Variants in ENPEP observed in about 807,000 individuals in gnomAD.
The protein encoded by ENPEP is AP-A.
Under a neutral mutation model 114.5 loss-of-function variants are expected in ENPEP, and 103 were observed. The observed-to-expected ratio is 0.90, with a 90% CI of 0.77 to 1.06. The LOEUF (loss-of-function observed/expected upper bound fraction) is 1.06, where lower values mean the gene tolerates loss of function less well. Ranked by LOEUF, ENPEP falls within the 50% of genes least tolerant of loss-of-function variation. The pLI is 0.00. For missense variants in ENPEP, 1,196 were observed against 1,161.3 expected (o/e 1.03, Z -0.43); for synonymous variants, 420 against 422.0 (o/e 1.00, Z 0.06).
At chr4:110,513,983 C>A in intron 7 of ENPEP, among the ~76,000 whole-genome samples, 1 of 152,010 alleles carries the variant, frequency 6.6e-6, no homozygotes, top group Non-Finnish European at 1.5e-5. Flanking sequence ...GAAGGAAATA[C>A]TTTTATTCCT....
intron 18 of ENPEP, among the ~76,000 whole-genome samples, chr4:110,559,376 GAA>G (rs33940498): frequency 1.4e-5 from 2 of 140,454 alleles, no homozygotes; most frequent in African/African-American, 2.6e-5. Flanking sequence ...CATGTGTGCA[GAA>G]AAAAAAAAAA....
At chr4:110,504,739 A>G (rs13134008) in intron 3 of ENPEP, among the ~76,000 whole-genome samples, 59,430 of 152,060 alleles carry the variant, frequency 0.39, 11,984 homozygotes, top group East Asian at 0.51. Context: ...ACAGAAATAC[A>G]AAAAAAGAAA....
intron 1 of ENPEP, among the ~76,000 whole-genome samples, chr4:110,486,019 A>C (rs1724488514): frequency 6.6e-6 from 1 of 152,142 alleles, no homozygotes; most frequent in Non-Finnish European, 1.5e-5. Flanking sequence ...GGAGTTTTTG[A>C]AACCTTGCAA....
At chr4:110,485,836 T>C (rs1666891027) in intron 1 of ENPEP, among the ~76,000 whole-genome samples, 1 of 152,158 alleles carries the variant, frequency 6.6e-6, no homozygotes, top group Non-Finnish European at 1.5e-5. Context: ...TTTTTTTTTT[T>C]CTGTCAGGAC....
intron 3 of ENPEP, among the ~76,000 whole-genome samples, chr4:110,494,848 G>A (rs1238400785): frequency 6.6e-6 from 1 of 152,184 alleles, no homozygotes; most frequent in Non-Finnish European, 1.5e-5. Flanking sequence ...GCCACTGATG[G>A]AAGGAATTTT....
intron 8 of ENPEP, chr4:110,519,071 G>A: frequency 2.2e-6 from 1 of 455,504 alleles, no homozygotes; most frequent in Non-Finnish European, 4.4e-6. Flanking sequence ...CCCTTCCTTT[G>A]CCTGCCCTCT....
chr4:110,506,619 TTG>T lies in ENPEP; in HGVS notation c.919-14_919-13del, dbSNP rs567524769. 4.8e-4 allele frequency: 762 copies of T among 1,577,770 alleles called. 3 individuals are homozygous for T. In the African/African-American group the frequency reaches 9.2e-3, roughly 19 times the overall value. ...TGAAGAATAATTTTCACTGAATTTT[TTG>T]TGTTTTGTTTAATAGCTTACAATTT... On this transcript the variant is annotated splice_polypyrimidine_tract_variant and intron_variant, in intron 3 of 19. Transcript: ENST00000265162.
intron 1 of ENPEP, among the ~76,000 whole-genome samples, chr4:110,482,587 G>C (rs1724352834): frequency 6.6e-6 from 1 of 152,144 alleles, no homozygotes; most frequent in Non-Finnish European, 1.5e-5. Context: ...TACCTGCATG[G>C]ATGTGTATGT....
Position 110,476,205 on chromosome 4 carries a change from C to A in ENPEP, c.-210C>A. On this transcript the variant is annotated 5_prime_UTR_variant, in exon 1 of 20. Coordinates refer to ENST00000265162, the MANE Select transcript of ENPEP (RefSeq NM_001977.4). ...TCCTCTTACGGAGTCCTCATTCCACCCCCCTTGTTTCCGCATTCATCCTGA... is the reference window on the plus strand; with the variant it reads ...TCCTCTTACGGAGTCCTCATTCCACACCCCTTGTTTCCGCATTCATCCTGA... 1 of 558,276 alleles carries A rather than the reference C, an allele frequency of 1.8e-6. No individual in the cohort carries two copies. Among genetic ancestry groups the A allele is most frequent in the Non-Finnish European group, 3.0e-6 (1 of 331,198 alleles). The allele number at this position is 558,276 out of a possible 1,614,324, so 34.6% of individuals were successfully genotyped here. A position where few individuals can be genotyped will look rare whatever the true frequency, so the allele number is the denominator to read the frequency against.
intron 2 of ENPEP, among the ~76,000 whole-genome samples, chr4:110,489,339 C>A (rs536499861): frequency 6.6e-6 from 1 of 151,978 alleles, no homozygotes; most frequent in African/African-American, 2.4e-5. Context: ...TGTTCTCACT[C>A]GTAAGTGGAA....
intron 13 of ENPEP, among the ~76,000 whole-genome samples, chr4:110,546,147 T>C (rs13151867): frequency 0.11 from 16,910 of 152,016 alleles, 1,209 homozygotes; most frequent in Non-Finnish European, 0.17. Flanking sequence ...CCTTAGTTTC[T>C]CCAACCTCTT....
intron 6 of ENPEP, 146 bp from the exon 7 acceptor site, chr4:110,513,269 A>T: frequency 1.2e-6 from 1 of 847,110 alleles, no homozygotes; most frequent in Non-Finnish European, 1.7e-6. Context: ...ATCAGTGCAA[A>T]GTATGATTAA....
At chr4:110,495,478 T>C (rs943002132) in intron 3 of ENPEP, among the ~76,000 whole-genome samples, 6 of 152,118 alleles carry the variant, frequency 3.9e-5, no homozygotes, top group Admixed American at 2.6e-4. Context: ...CCCAGCACTT[T>C]GGGAGGCTGA....
Position 110,506,689 on chromosome 4 carries a change from A to G in ENPEP, c.971A>G (p.Asn324Ser). The change falls in exon 4 of 20, where the codon AAC becomes AGC. Residue 324 changes from asparagine (N) to serine (S), a missense_variant. Physicochemically the swap from Asn to Ser is conservative, Grantham distance 46 (BLOSUM62 1). Transcript: ENST00000265162. Reference protein sequence around the residue: ...EQKHTAEYAANITKSVFDYFE... With the variant: ...EQKHTAEYAASITKSVFDYFE... ...AAGCACACAGCCGAATATGCTGCAA[A>G]CATAACTAAAAGTGTGTTTGATTAT... The G allele has an allele frequency of 1.2e-6, 2 of 1,612,734 alleles. No homozygotes were observed.
chr4:110,555,019 T>A (rs73839641), intron 18 of ENPEP, among the ~76,000 whole-genome samples: 12,242 of 151,998 alleles, frequency 0.081, 553 homozygotes, highest in South Asian at 0.15. Flanking sequence ...AAAAAATAGG[T>A]TTTGCCTTGT....
intron 8 of ENPEP, chr4:110,519,044 A>C (rs1324003452): frequency 2.2e-6 from 1 of 455,720 alleles, no homozygotes; most frequent in Non-Finnish European, 4.4e-6. Flanking sequence ...GAATACCTAA[A>C]AGTGATTGCT....
At position 110,492,132 on chromosome 4, in the gene ENPEP, GT is replaced by G. The variant is rs369701818; in HGVS notation, c.918+970del. Among the ~76,000 whole-genome samples the G allele has an allele frequency of 4.8e-3, 727 of 152,242 alleles. 6 individuals are homozygous for G. The highest frequency in any genetic ancestry group is 0.016 in the African/African-American group (651 of 41,554). On this transcript the variant is annotated intron_variant, in intron 3 of 19. Transcript: ENST00000265162. ...TATGTTTAGGTTGTCTAGTAAGCCAGTTAATTCACCTCTGTGCCATATATGT... is the reference window on the plus strand; with the variant it reads ...TATGTTTAGGTTGTCTAGTAAGCCAGTAATTCACCTCTGTGCCATATATGT...
chr4:110,476,461 C>T lies in ENPEP; in HGVS notation c.47C>T (p.Thr16Met), dbSNP rs1282484926. 15 of 1,549,074 alleles carry T rather than the reference C, an allele frequency of 9.7e-6. No individual in the cohort carries two copies. In the South Asian group the frequency reaches 1.4e-4, roughly 14 times the overall value. The change falls in exon 1 of 20, where the codon ACG becomes ATG. Residue 16 changes from threonine (T) to methionine (M), a missense_variant. Physicochemically the swap from Thr to Met is moderately conservative, Grantham distance 81. Transcript: ENST00000265162. ...GGCTCTAAGAGATACTGCATTCAAA[C>T]GAAACATGTGGCCATTCTCTGTGCG... is the stretch of plus-strand genomic sequence containing the variant. The part of the protein sequence containing the change: ...REGSKRYCIQ[T>M]KHVAILCAVV...
At chr4:110,535,853 C>T (rs1287970065) in intron 11 of ENPEP, among the ~76,000 whole-genome samples, 1 of 151,988 alleles carries the variant, frequency 6.6e-6, no homozygotes, top group Non-Finnish European at 1.5e-5. Flanking sequence ...CCAGGCATAG[C>T]CATCAACACT....
Sources: gnomAD v4.1 joint callset for allele counts (sites outside exome capture counted in the v4.1 genomes callset) on GRCh38, gnomAD v4.1.1 for gene constraint, MANE v1.5 for transcripts, NCBI Gene and HGNC (gene_info 2026-07-23, HGNC 2026-07-21) for gene names.